Variants in PSMD14 observed in about 807,000 individuals in gnomAD.
PSMD14 encodes the protein ubiquitin C-terminal hydrolase PSMD14.
A neutral mutation model predicts 41.2 loss-of-function variants in PSMD14; 7 were observed. That is an observed-to-expected ratio of 0.17 (90% CI 0.10 to 0.32). PSMD14 has a LOEUF of 0.32. Ranked by LOEUF, PSMD14 falls within the 10% of genes least tolerant of loss-of-function variation. PSMD14 has a pLI of 1.00. For missense variants in PSMD14, 139 were observed against 375.6 expected, an observed-to-expected ratio of 0.37 and a Z score of 5.21; for synonymous variants, 114 against 122.3, an observed-to-expected ratio of 0.93 and a Z score of 0.45.
intron 3 of PSMD14, among the ~76,000 whole-genome samples, chr2:161,319,802 G>A (rs1489176315): frequency 6.6e-6 from 1 of 152,078 alleles, no homozygotes; most frequent in African/African-American, 2.4e-5. Flanking sequence ...CAGTGTTTTA[G>A]AAGAACTTTC....
chr2:161,378,537 C>A (rs1489050314), intron 7 of PSMD14, among the ~76,000 whole-genome samples: 1 of 151,706 alleles, frequency 6.6e-6, no homozygotes, highest in Non-Finnish European at 1.5e-5. Flanking sequence ...TTATTTTGCA[C>A]TGTATTTTGT....
At chr2:161,342,684 T>C (rs1392521300) in intron 3 of PSMD14, among the ~76,000 whole-genome samples, 7 of 152,138 alleles carry the variant, frequency 4.6e-5, no homozygotes, top group Non-Finnish European at 8.8e-5. Context: ...TAATTTACAT[T>C]TCACAAAATT....
At chr2:161,362,785 T>G (rs1171559751) in intron 3 of PSMD14, among the ~76,000 whole-genome samples, 2 of 152,252 alleles carry the variant, frequency 1.3e-5, no homozygotes, top group African/African-American at 4.8e-5. Flanking sequence ...GACATTTTAC[T>G]TTATGTAATT....
In PSMD14 at chr2:161,395,212, T is replaced by C; in HGVS notation, c.771+9T>C. 6.4e-7 allele frequency: 1 copy of C among 1,567,296 alleles called. No homozygotes were observed. Among genetic ancestry groups the C allele is most frequent in the Non-Finnish European group, 8.7e-7 (1 of 1,154,026 alleles). ...CCAAGAATTACAATAAGGTAAAAGTTACTTCTGCCATTTCTTCTTTATAAT... is the reference window on the plus strand; with the variant it reads ...CCAAGAATTACAATAAGGTAAAAGTCACTTCTGCCATTTCTTCTTTATAAT... On this transcript the variant is annotated intron_variant, in intron 10 of 11. Coordinates refer to ENST00000409682, the MANE Select transcript of PSMD14 (RefSeq NM_005805.6).
chr2:161,395,226 C>T, intron 10 of PSMD14, 23 bp downstream of exon 10: 1 of 1,541,066 alleles, frequency 6.5e-7, no homozygotes, highest in Non-Finnish European at 8.8e-7. Context: ...TCTGCCATTT[C>T]TTCTTTATAA....
chr2:161,364,353 G>A (rs1189616103), intron 3 of PSMD14, among the ~76,000 whole-genome samples: 1 of 152,142 alleles, frequency 6.6e-6, no homozygotes, highest in Non-Finnish European at 1.5e-5. Context: ...GGGTCTGGGA[G>A]TTTTAATAGA....
At chr2:161,401,836 C>T (rs1192792328) in intron 10 of PSMD14, among the ~76,000 whole-genome samples, 1 of 152,008 alleles carries the variant, frequency 6.6e-6, no homozygotes, top group African/African-American at 2.4e-5. Flanking sequence ...CCCCAATTGC[C>T]ATGAATGTTT....
chr2:161,321,875 C>T (rs2105232088), intron 3 of PSMD14, among the ~76,000 whole-genome samples: 1 of 152,292 alleles, frequency 6.6e-6, no homozygotes, highest in African/African-American at 2.4e-5. Context: ...AGTGAGTTTA[C>T]CAGCCAGGGA....
Position 161,407,839 on chromosome 2 carries a change from T to TG in PSMD14, c.772-998_772-997insG, listed in dbSNP as rs1196995783. ...GGTTAGTGATCCTTAAATTTTCTTG[T>TG]TTTTTTTTCCATTTATCAGATGCTA... On this transcript the variant is annotated intron_variant, in intron 10 of 11. Transcript: ENST00000409682. 10 of 151,138 alleles carry TG rather than the reference T, an allele frequency of 6.6e-5. No individual in the cohort carries two copies. In the South Asian group the frequency reaches 1.3e-3, roughly 19 times the overall value. 9.4% of individuals were successfully genotyped at this position (151,138 alleles called of 1,614,324 possible). A position where few individuals can be genotyped will look rare whatever the true frequency, so the allele number is the denominator to read the frequency against.
rs1421777969 is a variant in PSMD14 at position 161,408,522 on chromosome 2, A to G, written c.772-315A>G. On this transcript the variant is annotated intron_variant, in intron 10 of 11. Transcript: ENST00000409682. ...ACCACAGTGCCGTAAGTGCCACCTC[A>G]GGTACTTCCATCTCCCATCTCCTGA... The G allele has an allele frequency of 1.3e-5, 4 of 316,318 alleles. No individual in the cohort carries two copies. In the East Asian group the frequency reaches 2.3e-4, roughly 18 times the overall value. 19.6% of individuals were successfully genotyped at this position (316,318 alleles called of 1,614,324 possible).
chr2:161,355,261 T>C (rs1683179599), intron 3 of PSMD14, among the ~76,000 whole-genome samples: 1 of 152,182 alleles, frequency 6.6e-6, no homozygotes, highest in Admixed American at 6.5e-5. Flanking sequence ...TTGGCAATTA[T>C]TTATTGATTT....
chr2:161,390,889 T>TC (rs1683702133), intron 8 of PSMD14, among the ~76,000 whole-genome samples: 1 of 152,180 alleles, frequency 6.6e-6, no homozygotes, highest in Admixed American at 6.5e-5. Context: ...CTCCTCCATA[T>TC]CATGCTTTGA....
intron 10 of PSMD14, among the ~76,000 whole-genome samples, chr2:161,398,932 A>G (rs1683838924): frequency 1.3e-5 from 2 of 152,144 alleles, no homozygotes. Context: ...TGTGTTTGCA[A>G]TCAAACATAA....
rs1477153219 is a variant in PSMD14, at chr2:161,394,858, C to T, written c.646-220C>T. ...GTTATGCAAAGATGAGAATAGCCTT[C>T]TAGGTAGAAGGACAGCAAATGCAAA... On this transcript the variant is annotated intron_variant, in intron 9 of 11. Coordinates refer to ENST00000409682, the MANE Select transcript of PSMD14 (RefSeq NM_005805.6). 6.6e-5 allele frequency among the ~76,000 whole-genome samples: 10 copies of T among 152,142 alleles called. No individual in the cohort carries two copies. The East Asian group carries it at 1.9e-3, about 29-fold the overall frequency.
At chr2:161,328,272 A>ATGTGTTATG (rs1248239047) in intron 3 of PSMD14, among the ~76,000 whole-genome samples, 4 of 152,132 alleles carry the variant, frequency 2.6e-5, no homozygotes, top group Non-Finnish European at 5.9e-5. Flanking sequence ...TAAATGTCTA[A>ATGTGTTATG]ATGTGTTATG....
In PSMD14 at chr2:161,318,875, T is replaced by TTAGTATATAGTATA; in HGVS notation, c.48+13_48+14insATATAGTATATAGT. 6.2e-7 allele frequency: 1 copy of TTAGTATATAGTATA among 1,610,688 alleles called. No individual in the cohort carries two copies. The highest frequency in any genetic ancestry group is 1.1e-5 in the South Asian group (1 of 90,880). On this transcript the variant is annotated splice_region_variant and intron_variant, in intron 3 of 11. Transcript: ENST00000409682. ...GGAGGTATGCCTGGACTGGGCCAGG[T>TTAGTATATAGTATA]TAGTATATAGTCTCTTGAGCATTTC...
chr2:161,383,137 G>T (rs1414000257), intron 7 of PSMD14: 1 of 151,446 alleles, frequency 6.6e-6, no homozygotes, highest in East Asian at 1.9e-4. Flanking sequence ...TATTTTGATA[G>T]GTTGCTCTAA....
chr2:161,393,716 CT>C (rs1683748116), intron 9 of PSMD14, among the ~76,000 whole-genome samples: 1 of 151,776 alleles, frequency 6.6e-6, no homozygotes, highest in Non-Finnish European at 1.5e-5. Context: ...TTTTCTTTTA[CT>C]TTTCACAATT....
At chr2:161,318,740 G>T (rs1689171660) in intron 2 of PSMD14, 82 bp from the exon 3 acceptor site, 2 of 1,044,506 alleles carry the variant, frequency 1.9e-6, no homozygotes, top group South Asian at 1.4e-5. Flanking sequence ...CATACTGAGT[G>T]ACTGAAGGTG....
Sources: allele counts gnomAD v4.1 joint callset (sites outside exome capture counted in the v4.1 genomes callset), GRCh38; gene constraint gnomAD v4.1.1; transcripts MANE v1.5; gene names NCBI Gene and HGNC (gene_info 2026-07-23, HGNC 2026-07-21).